The following KANK3 variants were observed in gnomAD, a reference collection of about 807,000 sequenced individuals.
KANK3 encodes the protein KN motif and ankyrin repeat domain-containing protein 3.
A neutral mutation model predicts 65.4 loss-of-function variants in KANK3; 61 were observed. The ratio of observed to expected loss-of-function variants is 0.93; its 90% CI spans 0.76 to 1.15. The LOEUF (loss-of-function observed/expected upper bound fraction) is 1.15, where lower values mean the gene tolerates loss of function less well. Among genes scored for constraint, KANK3 ranks in the 50% most tolerant of loss-of-function variants. KANK3 has a pLI of 0.00. For synonymous variants in KANK3, 586 were observed against 543.3 expected (o/e 1.08, Z -1.09); for missense variants, 1,187 against 1,178.8 (o/e 1.01, Z -0.10).
At chr19:8,338,176 C>A (rs1021322878) in intron 1 of KANK3, among the ~76,000 whole-genome samples, 1 of 151,970 alleles carries the variant, frequency 6.6e-6, no homozygotes, top group Non-Finnish European at 1.5e-5. Context: ...TGCCCACCAC[C>A]ACGCCTGGCT....
At chr19:8,328,621 G>T (rs532050712) in intron 7 of KANK3, among the ~76,000 whole-genome samples, 1 of 152,090 alleles carries the variant, frequency 6.6e-6, no homozygotes, top group South Asian at 2.1e-4. Context: ...GAAACGGAGA[G>T]GGAGCAGTGG....
At position 8,327,227 on chromosome 19, in the gene KANK3, A is replaced by G. The variant is rs112455441; in HGVS notation, c.1937-2131T>C. On this transcript the variant is annotated intron_variant, in intron 7 of 10. Transcript: ENST00000330915. ...ATGACAGCAAAAATGGAGGCCAGGC[A>G]TGGTGACTAACGCCTGTACACCCAA... is the stretch of plus-strand genomic sequence containing the variant. 1.1e-3 allele frequency among the ~76,000 whole-genome samples: 170 copies of G among 152,262 alleles called. 1 individual carries two copies. Among genetic ancestry groups the G allele is most frequent in the African/African-American group, 4.0e-3 (166 of 41,558 alleles).
rs1042307867 is a variant in KANK3, at chr19:8,335,486, A to G, written c.341T>C (p.Leu114Pro). Residue 114 changes from leucine (L) to proline (P), a missense_variant, in exon 3 of 11, where the codon CTC becomes CCC. Leu to Pro is a moderately conservative substitution (Grantham distance 98). Around this residue, in one of 3 missense-constraint regions of KANK3, gnomAD observed 1,078 missense variants for 1,038.2 expected, o/e 1.04. Coordinates refer to ENST00000330915, the MANE Select transcript of KANK3 (RefSeq NM_198471.3). ...GCGCGGCGACAGCGGCTGCATCAGG[A>G]GCCCCGAGGGCGCGCCCTGGGAGAG... ...GILSQGAPSG[L>P]LMQPLSPRAP... The G allele has an allele frequency of 2.4e-6, 3 of 1,238,504 alleles. No individual in the cohort carries two copies. The highest frequency in any genetic ancestry group is 3.5e-5 in the South Asian group (1 of 28,226). The allele number at this position is 1,238,504 out of a possible 1,614,324, so 76.7% of individuals were successfully genotyped here.
At chr19:8,332,987 T>TGGGGCCCC in intron 7 of KANK3, 27 bp downstream of exon 7, 3 of 395,196 alleles carry the variant, frequency 7.6e-6, no homozygotes, top group Non-Finnish European at 1.4e-5. Context: ...TTTCCTGGTG[T>TGGGGCCCC]CCCACCCACC....
In KANK3 at chr19:8,335,787, C is replaced by G. The variant is rs1970627726; in HGVS notation, c.40G>C (p.Gly14Arg). ...GGGACCGGGCACAGGCGGGGGCCGC[C>G]CAGGTCTGGAGGCACGACGGGGGCA... Reference protein sequence around the residue: ...FALNQNLPDLGGPRLCPVPAA... With the variant: ...FALNQNLPDLRGPRLCPVPAA... The change falls in exon 3 of 11, where the codon GGC (glycine) becomes CGC (arginine). Residue 14 changes from glycine to arginine, a missense_variant. Gly to Arg is a moderately radical substitution (Grantham distance 125). Around this residue, in one of 3 missense-constraint regions of KANK3, gnomAD observed 104 missense variants for 122.1 expected, o/e 0.85. Transcript: ENST00000330915. 5 of 1,235,938 alleles carry G rather than the reference C, an allele frequency of 4.0e-6. No homozygotes were observed. Among genetic ancestry groups the G allele is most frequent in the Non-Finnish European group, 5.1e-6 (5 of 987,802 alleles). 76.6% of individuals were successfully genotyped at this position (1,235,938 alleles called of 1,614,324 possible). A position where few individuals can be genotyped will look rare whatever the true frequency, so the allele number is the denominator to read the frequency against.
Position 8,324,657 on chromosome 19 carries a change from T to G in KANK3, c.2256A>C (p.Pro752=). ...LDTVRLLLTQ[P]GCDPAILDNE... ...TGTCCAGGATGGCAGGGTCACAGCC[T>G]GGCTGGGTGAGCAGCAGCCGCACGG... is the stretch of plus-strand genomic sequence containing the variant. Residue 752 remains proline (P), a synonymous_variant, in exon 9 of 11, where the codon CCA becomes CCC. Coordinates refer to ENST00000330915, the MANE Select transcript of KANK3 (RefSeq NM_198471.3). 6.2e-7 allele frequency: 1 copy of G among 1,614,024 alleles called. No homozygotes were observed. Among genetic ancestry groups the G allele is most frequent in the African/African-American group, 1.3e-5 (1 of 75,070 alleles).
At chr19:8,342,045 G>A (rs1970728478) in intron 1 of KANK3, among the ~76,000 whole-genome samples, 1 of 152,208 alleles carries the variant, frequency 6.6e-6, no homozygotes, top group South Asian at 2.1e-4. Flanking sequence ...CCAGGCTGGA[G>A]TGCAGTGGCA....
chr19:8,340,275 C>CGTATAT (rs780229218), intron 1 of KANK3, among the ~76,000 whole-genome samples: 3,710 of 65,366 alleles, frequency 0.057, 130 homozygotes, highest in African/African-American at 0.12. Context: ...AAAAAAAAAC[C>CGTATAT]ATATATATAT....
Position 8,324,424 on chromosome 19 carries a change from TTGTTTCTTCCAGAGCTG to T in KANK3, c.2382+8_2382+24del. On this transcript the variant is annotated splice_region_variant and intron_variant, in intron 10 of 10. Coordinates refer to ENST00000330915, the MANE Select transcript of KANK3 (RefSeq NM_198471.3). Reference sequence around the variant, plus strand: ...AAACTGAATTTGCAGCTGGGAAAGTTTGTTTCTTCCAGAGCTGTGCTCACCTGGGTGTCGGGCTGGCC... The same window carrying T: ...AAACTGAATTTGCAGCTGGGAAAGTTTGCTCACCTGGGTGTCGGGCTGGCC... 6.4e-7 allele frequency: 1 copy of T among 1,560,548 alleles called. No homozygotes were observed. The highest frequency in any genetic ancestry group is 8.7e-7 in the Non-Finnish European group (1 of 1,150,094).
Position 8,323,021 on chromosome 19 carries a change from T to A in KANK3, c.2383-99A>T, listed in dbSNP as rs1040261719. On this transcript the variant is annotated intron_variant, in intron 10 of 10. Coordinates refer to ENST00000330915, the MANE Select transcript of KANK3 (RefSeq NM_198471.3). The stretch of plus-strand genomic sequence containing the variant: ...TCACTTAGTGGAGGTTCTTTTACCA[T>A]GGACCCAGGCTGCCTGGTTTGTATC... 14 of 674,794 alleles carry A rather than the reference T, an allele frequency of 2.1e-5. No homozygotes were observed. In the African/African-American group the frequency reaches 2.6e-4, roughly 13 times the overall value. 41.8% of individuals were successfully genotyped at this position (674,794 alleles called of 1,614,324 possible).
In KANK3 at chr19:8,334,920, C is replaced by A; in HGVS notation, c.907G>T (p.Val303Leu). The A allele has an allele frequency of 6.8e-7, 1 of 1,467,340 alleles. No individual in the cohort carries two copies. The highest frequency in any genetic ancestry group is 8.9e-7 in the Non-Finnish European group (1 of 1,119,984). The allele number at this position is 1,467,340 out of a possible 1,614,324, so 90.9% of individuals were successfully genotyped here. Residue 303 changes from valine to leucine, a missense_variant, in exon 3 of 11, where the codon GTG (valine) becomes TTG (leucine). Physicochemically the swap from Val to Leu is conservative, Grantham distance 32. Transcript: ENST00000330915. ...SLDGTPQTRE[V>L]AAEAVPETRE... ...GTCTCGGGCACGGCCTCGGCGGCCA[C>A]CTCCCGGGTCTGGGGCGTCCCATCG... is the stretch of plus-strand genomic sequence containing the variant.
At chr19:8,328,907 C>T (rs1970475317) in intron 7 of KANK3, among the ~76,000 whole-genome samples, 1 of 152,004 alleles carries the variant, frequency 6.6e-6, no homozygotes, top group African/African-American at 2.4e-5. Flanking sequence ...CGGTGGCTCA[C>T]GCCTGTAGTC....
At chr19:8,332,091 T>TCA (rs1970535701) in intron 7 of KANK3, among the ~76,000 whole-genome samples, 1 of 150,092 alleles carries the variant, frequency 6.7e-6, no homozygotes, top group Non-Finnish European at 1.5e-5. Context: ...CCTCCTGGGT[T>TCA]CAAGTAATCC....
intron 7 of KANK3, among the ~76,000 whole-genome samples, chr19:8,328,714 G>A (rs1022513448): frequency 2.0e-5 from 3 of 152,076 alleles, no homozygotes; most frequent in Non-Finnish European, 4.4e-5. Flanking sequence ...GTGAGGGTCG[G>A]GAAGTGGGGA....
At position 8,333,916 on chromosome 19, in the gene KANK3, T is replaced by A; in HGVS notation, c.1628A>T (p.Gln543Leu). The change falls in exon 5 of 11, where the codon CAG becomes CTG. Residue 543 changes from glutamine to leucine, a missense_variant. Around this residue, in one of 3 missense-constraint regions of KANK3, gnomAD observed 1,078 missense variants for 1,038.2 expected, o/e 1.04. Coordinates refer to ENST00000330915, the MANE Select transcript of KANK3 (RefSeq NM_198471.3). This position sits in a 1 kb window ranked among gnomAD's most constrained non-coding sequence, Gnocchi z 5.0. Reference protein sequence around the residue: ...EAEAEPQQVAQGRCELSPRLR... With the variant: ...EAEAEPQQVALGRCELSPRLR... ...ACTAGCGAGCGCCGCTCACCTCCCC[T>A]GTGCCACCTGCTGAGGCTCTGCCTC... The A allele has an allele frequency of 1.3e-6, 2 of 1,580,214 alleles. No individual in the cohort carries two copies. Among genetic ancestry groups the A allele is most frequent in the Non-Finnish European group, 1.7e-6 (2 of 1,165,644 alleles).
chr19:8,330,618 C>T (rs921894816), intron 7 of KANK3, among the ~76,000 whole-genome samples: 3 of 151,838 alleles, frequency 2.0e-5, no homozygotes, highest in Non-Finnish European at 2.9e-5. Flanking sequence ...ATCCCAGCTA[C>T]TCGGGAGGCT....
At chr19:8,341,147 A>G (rs1313605132) in intron 1 of KANK3, among the ~76,000 whole-genome samples, 24 of 152,094 alleles carry the variant, frequency 1.6e-4, no homozygotes, top group Admixed American at 1.6e-3. Flanking sequence ...GGATCCCTCC[A>G]GAATGTCAAA....
intron 7 of KANK3, among the ~76,000 whole-genome samples, chr19:8,327,872 G>A (rs907385564): frequency 1.2e-4 from 18 of 152,168 alleles, no homozygotes; most frequent in Non-Finnish European, 2.2e-4. Context: ...GGTGGTCAGG[G>A]AGGAGCACCC....
intron 1 of KANK3, among the ~76,000 whole-genome samples, chr19:8,341,306 G>A (rs1970721118): frequency 6.8e-6 from 1 of 146,722 alleles, no homozygotes; most frequent in South Asian, 2.1e-4. Flanking sequence ...ATAGCTCACT[G>A]TGGCCTTGAA....
Sources: allele counts gnomAD v4.1 joint callset (sites outside exome capture counted in the v4.1 genomes callset), GRCh38; gene constraint gnomAD v4.1.1; regional missense constraint gnomAD v4.1.1; non-coding constraint Gnocchi (gnomAD v3.1); transcripts MANE v1.5; gene names NCBI Gene and HGNC (gene_info 2026-07-23, HGNC 2026-07-21).